CEMIP2: variants seen among roughly 807,000 people sequenced by gnomAD.
CEMIP2 encodes cell migration inducing hyaluronidase 2.
In CEMIP2, 79 loss-of-function variants were observed where a neutral mutation model predicts 146.9. The observed-to-expected ratio is 0.54, with a 90% confidence interval of 0.45 to 0.65. The LOEUF (loss-of-function observed/expected upper bound fraction) is 0.65, where lower values mean the gene tolerates loss of function less well. Among genes scored for constraint, CEMIP2 ranks in the 30% least tolerant of loss-of-function variants. The probability of loss-of-function intolerance (pLI) is 0.00; values close to 1 mark genes in which losing one functional copy is unlikely to be tolerated. For synonymous variants in CEMIP2, 601 were observed against 606.3 expected (o/e 0.99, Z 0.13); for missense variants, 1,596 against 1,696.2 (o/e 0.94, Z 1.04).
chr9:71,755,197 T>TTC (rs1052702009), intron 1 of CEMIP2, among the ~76,000 whole-genome samples: 2 of 151,502 alleles, frequency 1.3e-5, no homozygotes, highest in African/African-American at 4.9e-5. Flanking sequence ...TTTTTTTTTT[T>TTC]TTTTTTTACC....
rs1347431342 is a variant in CEMIP2 at position 71,728,247 on chromosome 9, A to ACGTG, written c.2049+1597_2049+1598insCACG. On this transcript the variant is annotated intron_variant, in intron 10 of 23. Transcript: ENST00000377044. The stretch of plus-strand genomic sequence containing the variant: ...TCTCTCTCTCTATATATATATATAT[A>ACGTG]TATGTATATACACGTATATATATAT... Among the ~76,000 whole-genome samples, 4 of 47,132 alleles carry ACGTG rather than the reference A, an allele frequency of 8.5e-5. No homozygotes were observed. The East Asian group carries it at 1.9e-3, about 22-fold the overall frequency. 30.9% of individuals were successfully genotyped at this position (47,132 alleles called of 152,430 possible). A position where few individuals can be genotyped will look rare whatever the true frequency, so the allele number is the denominator to read the frequency against.
chr9:71,709,227 G>T, intron 17 of CEMIP2, 32 bp downstream of exon 17: 1 of 1,604,678 alleles, frequency 6.2e-7, no homozygotes, highest in South Asian at 1.1e-5. Flanking sequence ...GAGCTGGTAG[G>T]AACTTGAGCA....
At chr9:71,713,612 A>G (rs775580526) in intron 15 of CEMIP2, among the ~76,000 whole-genome samples, 1 of 152,200 alleles carries the variant, frequency 6.6e-6, no homozygotes, top group Non-Finnish European at 1.5e-5. Flanking sequence ...CTGGAGGTCA[A>G]TATAAAATAC....
chr9:71,704,358 G>A (rs1261443289), intron 18 of CEMIP2: 5 of 539,758 alleles, frequency 9.3e-6, no homozygotes, highest in Non-Finnish European at 1.7e-5. Flanking sequence ...ATCGTTGAAT[G>A]GCTTTATGTG....
At chr9:71,757,095 C>G (rs1178353003) in intron 1 of CEMIP2, among the ~76,000 whole-genome samples, 2 of 152,148 alleles carry the variant, frequency 1.3e-5, no homozygotes, top group Non-Finnish European at 2.9e-5. Flanking sequence ...ACACTTGCCC[C>G]CTAGGCTATA....
At chr9:71,756,504 T>TCACACACA (rs1480091892) in intron 1 of CEMIP2, among the ~76,000 whole-genome samples, 5 of 111,684 alleles carry the variant, frequency 4.5e-5, no homozygotes, top group African/African-American at 1.8e-4. Context: ...TCTCTCTCTC[T>TCACACACA]CTCACACACA....
At chr9:71,730,309 G>C in intron 8 of CEMIP2, 56 bp from the exon 9 acceptor site, 2 of 1,544,648 alleles carry the variant, frequency 1.3e-6, no homozygotes, top group Admixed American at 3.5e-5. Flanking sequence ...TGTGATTTAA[G>C]TGACAAGCGC....
chr9:71,706,889 C>T (rs1401039401), intron 17 of CEMIP2, among the ~76,000 whole-genome samples: 1 of 152,080 alleles, frequency 6.6e-6, no homozygotes, highest in Non-Finnish European at 1.5e-5. Context: ...AGTGCAATGG[C>T]ATGATCTCAG....
chr9:71,714,904 T>C, intron 15 of CEMIP2, 30 bp downstream of exon 15: 4 of 1,598,692 alleles, frequency 2.5e-6, no homozygotes, highest in Non-Finnish European at 3.4e-6. Flanking sequence ...TTGCTTAAAT[T>C]TAACACTCCA....
At chr9:71,722,232 T>C (rs1347130241) in intron 12 of CEMIP2, among the ~76,000 whole-genome samples, 195 bp downstream of exon 12, 1 of 152,222 alleles carries the variant, frequency 6.6e-6, no homozygotes, top group African/African-American at 2.4e-5. Flanking sequence ...TCAACCTCTT[T>C]AGTATTTCAA....
At position 71,730,212 on chromosome 9, in the gene CEMIP2, G is replaced by C; in HGVS notation, c.1815C>G (p.Phe605Leu). 6.2e-7 allele frequency: 1 copy of C among 1,614,090 alleles called. No individual in the cohort carries two copies. Among genetic ancestry groups the C allele is most frequent in the Middle Eastern group, 1.7e-4 (1 of 6,056 alleles). ...TIGFDTLGHC[F>L]FLEDGIEQRN... is the part of the protein sequence containing the mutation. Reference sequence around the variant, plus strand: ...TCTGTTCAATACCATCTTCCAAAAAGAAACAATGACCTAGTGTGTCAAACC... The same window carrying C: ...TCTGTTCAATACCATCTTCCAAAAACAAACAATGACCTAGTGTGTCAAACC... Residue 605 changes from phenylalanine to leucine, a missense_variant, in exon 9 of 24, where the codon TTC becomes TTG. By Grantham distance (22) the Phe-to-Leu change is conservative (BLOSUM62 0). Coordinates refer to ENST00000377044, the MANE Select transcript of CEMIP2 (RefSeq NM_013390.3).
intron 22 of CEMIP2, among the ~76,000 whole-genome samples, chr9:71,687,730 G>GT (rs1357165208): frequency 1.3e-5 from 2 of 152,282 alleles, no homozygotes; most frequent in East Asian, 3.9e-4. Context: ...AGCCAGGCTG[G>GT]TGGTGTGCAC....
At chr9:71,732,068 TTG>T (rs1310354708) in intron 7 of CEMIP2, among the ~76,000 whole-genome samples, 1 of 152,160 alleles carries the variant, frequency 6.6e-6, no homozygotes, top group Non-Finnish European at 1.5e-5. Flanking sequence ...CAGTTTTTTT[TTG>T]TTTTGTTTTG....
chr9:71,734,208 G>GGTTTTTTTTTTTTTTTTTTTTTTTTTTTT (rs374206725), intron 6 of CEMIP2, among the ~76,000 whole-genome samples: 2 of 144,136 alleles, frequency 1.4e-5, no homozygotes, highest in Non-Finnish European at 1.6e-5. Context: ...ATGAGTTTTT[G>GGTTTTTTTTTTTTTTTTTTTTTTTTTTTT]TTTTTGTTTT....
In CEMIP2 at chr9:71,740,249, C is replaced by T. The variant is rs2131992293; in HGVS notation, c.1035-17G>A. On this transcript the variant is annotated splice_polypyrimidine_tract_variant and intron_variant, in intron 4 of 23. Coordinates refer to ENST00000377044, the MANE Select transcript of CEMIP2 (RefSeq NM_013390.3). ...CAAGCTTGCCTAGAAGGAAAAAGAG[C>T]ATGTGCATTTGATTACTTGTCATGG... is the stretch of plus-strand genomic sequence containing the variant. 1 of 1,610,276 alleles carries T rather than the reference C, an allele frequency of 6.2e-7. No individual in the cohort carries two copies. The highest frequency in any genetic ancestry group is 8.5e-7 in the Non-Finnish European group (1 of 1,179,396).
intron 1 of CEMIP2, among the ~76,000 whole-genome samples, chr9:71,764,941 A>G (rs1057145425): frequency 1.4e-5 from 2 of 147,558 alleles, no homozygotes; most frequent in Non-Finnish European, 3.0e-5. Flanking sequence ...TTCCTTTTCC[A>G]TATTCATCAT....
chr9:71,704,109 G>A lies in CEMIP2; in HGVS notation c.3194+486C>T, dbSNP rs79958742. Among the ~76,000 whole-genome samples the A allele has an allele frequency of 9.4e-3, 1,429 of 152,234 alleles. 8 individuals carry two copies. The highest frequency in any genetic ancestry group is 0.015 in the Non-Finnish European group (1,037 of 68,008). On this transcript the variant is annotated intron_variant, in intron 18 of 23. Transcript: ENST00000377044. Reference sequence around the variant, plus strand: ...ACAGACAACTGAGAAATCAAGAAGGGATAAAATAGTGCTTTCAGGCAGGGC... The same window carrying A: ...ACAGACAACTGAGAAATCAAGAAGGAATAAAATAGTGCTTTCAGGCAGGGC...
At position 71,685,064 on chromosome 9, in the gene CEMIP2, C is replaced by CT. The variant is rs1358245148; in HGVS notation, c.*132dup. 21 of 812,356 alleles carry CT rather than the reference C, an allele frequency of 2.6e-5. No homozygotes were observed. The highest frequency in any genetic ancestry group is 3.6e-5 in the Non-Finnish European group (20 of 549,838). The allele number at this position is 812,356 out of a possible 1,614,324, so 50.3% of individuals were successfully genotyped here. On this transcript the variant is annotated 3_prime_UTR_variant, in exon 24 of 24. Transcript: ENST00000377044. ...GGTATCCAAGCAATAATTTCAAACG[C>CT]TTTCTTTTCTCCCCATTCTGTATCA...
chr9:71,715,625 G>GATATATATATATCTAT (rs1823030631), intron 14 of CEMIP2, among the ~76,000 whole-genome samples: 1 of 119,068 alleles, frequency 8.4e-6, no homozygotes, highest in Admixed American at 9.3e-5. Flanking sequence ...TCCCTCTTAA[G>GATATATATATATCTAT]ATATATATAT....
Sources: gnomAD v4.1 joint callset for allele counts (sites outside exome capture counted in the v4.1 genomes callset) on GRCh38, gnomAD v4.1.1 for gene constraint, MANE v1.5 for transcripts, NCBI Gene and HGNC (gene_info 2026-07-23, HGNC 2026-07-21) for gene names.